TPST1: variants seen among roughly 807,000 people sequenced by gnomAD.
TPST1 encodes the protein protein-tyrosine sulfotransferase 1.
In TPST1, 20 loss-of-function variants were observed where a neutral mutation model predicts 34.8. The ratio of observed to expected loss-of-function variants is 0.57; its 90% CI spans 0.40 to 0.84. The LOEUF (loss-of-function observed/expected upper bound fraction) is 0.84. Among genes scored for constraint, TPST1 ranks in the 40% least tolerant of loss-of-function variants. The probability of loss-of-function intolerance (pLI) is 0.00; values close to 1 mark genes in which losing one functional copy is unlikely to be tolerated. For synonymous variants in TPST1, 152 were observed against 159.4 expected (o/e 0.95, Z 0.35); for missense variants, 353 against 455.5 (o/e 0.78, Z 2.05).
intron 3 of TPST1, among the ~76,000 whole-genome samples, chr7:66,342,106 A>G (rs957586530): frequency 6.6e-6 from 1 of 152,224 alleles, no homozygotes; most frequent in South Asian, 2.1e-4. Context: ...AAATGACAAT[A>G]TAAGAGTAGA....
intron 3 of TPST1, among the ~76,000 whole-genome samples, chr7:66,310,843 CAG>C (rs1791516664): frequency 1.7e-5 from 2 of 116,852 alleles, no homozygotes; most frequent in South Asian, 4.9e-4. Context: ...ATTTATGAGA[CAG>C]GGTCTCGCTC....
At chr7:66,300,850 G>A (rs375093677) in intron 3 of TPST1, among the ~76,000 whole-genome samples, 1 of 152,044 alleles carries the variant, frequency 6.6e-6, no homozygotes, top group Non-Finnish European at 1.5e-5. Flanking sequence ...AGAGGCTGAG[G>A]CAAGAGAATC....
Position 66,216,605 on chromosome 7 carries a change from G to T in TPST1, c.-102+11083G>T, listed in dbSNP as rs935382607. Among the ~76,000 whole-genome samples, 3 of 152,182 alleles carry T rather than the reference G, an allele frequency of 2.0e-5. No homozygotes were observed. In the East Asian group the frequency reaches 5.8e-4, roughly 29 times the overall value. On this transcript the variant is annotated intron_variant, in intron 1 of 5. Coordinates refer to ENST00000304842, the MANE Select transcript of TPST1 (RefSeq NM_003596.4). ...CTGCCTCGGCCTCCCGAGTAGCTGG[G>T]ATTACAGGTGCCTGCCACCACGCCC... is the stretch of plus-strand genomic sequence containing the variant.
intron 4 of TPST1, among the ~76,000 whole-genome samples, chr7:66,355,039 G>A (rs537568592): frequency 2.6e-5 from 4 of 152,192 alleles, no homozygotes; most frequent in African/African-American, 7.2e-5. Flanking sequence ...TAAGAGGACA[G>A]GATTTCTTAA....
At chr7:66,345,489 CAAAAAA>C (rs58837242) in intron 3 of TPST1, among the ~76,000 whole-genome samples, 4 of 64,862 alleles carry the variant, frequency 6.2e-5, no homozygotes, top group African/African-American at 2.0e-4. Flanking sequence ...ACTCCATCTC[CAAAAAA>C]AAAAAAAAAA....
intron 1 of TPST1, among the ~76,000 whole-genome samples, chr7:66,230,961 A>G (rs1789774015): frequency 6.6e-6 from 1 of 152,180 alleles, no homozygotes; most frequent in South Asian, 2.1e-4. Context: ...CAGAGCAGCT[A>G]GATACAGAGT....
At chr7:66,246,871 C>T (rs1360803605) in intron 2 of TPST1, among the ~76,000 whole-genome samples, 1 of 152,180 alleles carries the variant, frequency 6.6e-6, no homozygotes, top group Non-Finnish European at 1.5e-5. Flanking sequence ...TTAGAAGCTT[C>T]CAGGTAGTAC....
chr7:66,266,186 C>T (rs1229825129), intron 2 of TPST1, among the ~76,000 whole-genome samples: 1 of 152,024 alleles, frequency 6.6e-6, no homozygotes, highest in Non-Finnish European at 1.5e-5. Context: ...CTCTCCTCTT[C>T]ACTTTCAGGA....
rs1227078036 is a variant in TPST1 at position 66,295,974 on chromosome 7, G to A, written c.1044+9265G>A. 1.3e-5 allele frequency among the ~76,000 whole-genome samples: 2 copies of A among 152,098 alleles called. 1 individual carries two copies. The highest frequency in any genetic ancestry group is 4.1e-4 in the South Asian group (2 of 4,824). On this transcript the variant is annotated intron_variant, in intron 3 of 5. Coordinates refer to ENST00000304842, the MANE Select transcript of TPST1 (RefSeq NM_003596.4). The stretch of plus-strand genomic sequence containing the variant: ...AAGTTTTGTGAGCTCTTTGTAATTG[G>A]TAATTCATAGCTATCTCCTTTGCAC...
intron 1 of TPST1, among the ~76,000 whole-genome samples, chr7:66,214,825 A>AAT (rs901537174): frequency 1.3e-5 from 2 of 149,042 alleles, no homozygotes; most frequent in African/African-American, 4.9e-5. Context: ...CACCAACAAA[A>AAT]ATATATATAT....
chr7:66,215,505 G>T (rs1024046370), intron 1 of TPST1, among the ~76,000 whole-genome samples: 3 of 151,140 alleles, frequency 2.0e-5, no homozygotes, highest in African/African-American at 7.3e-5. Context: ...CTCCTGAGTA[G>T]CTGGGACTAC....
intron 3 of TPST1, among the ~76,000 whole-genome samples, chr7:66,305,181 G>T (rs930691125): frequency 6.6e-6 from 1 of 152,030 alleles, no homozygotes; most frequent in African/African-American, 2.4e-5. Flanking sequence ...AAAAGAATTC[G>T]TTAATATATT....
Position 66,224,931 on chromosome 7 carries a change from T to G in TPST1, c.-101-15394T>G, listed in dbSNP as rs539672153. ...TTTTTTTTTTTTTTTTTTTTTTTTT[T>G]TGTGAGATGGAGTTTCACTCTTGTT... is the stretch of plus-strand genomic sequence containing the variant. On this transcript the variant is annotated intron_variant, in intron 1 of 5. Transcript: ENST00000304842. Among the ~76,000 whole-genome samples the G allele has an allele frequency of 4.1e-4, 51 of 124,358 alleles. 1 individual carries two copies. The East Asian group carries it at 0.012, about 29-fold the overall frequency. 81.6% of individuals were successfully genotyped at this position (124,358 alleles called of 152,430 possible).
intron 3 of TPST1, among the ~76,000 whole-genome samples, chr7:66,306,442 C>T (rs1791424986): frequency 6.6e-6 from 1 of 152,186 alleles, no homozygotes; most frequent in Non-Finnish European, 1.5e-5. Context: ...TGTTTCTGCT[C>T]CAGGAGTTTG....
intron 5 of TPST1, among the ~76,000 whole-genome samples, chr7:66,358,457 G>A (rs558974655): frequency 9.9e-5 from 15 of 151,398 alleles, no homozygotes; most frequent in African/African-American, 3.4e-4. Context: ...TAACAGATAC[G>A]CTAAATTATA....
intron 3 of TPST1, among the ~76,000 whole-genome samples, chr7:66,330,711 A>G (rs996336443): frequency 2.6e-5 from 4 of 152,044 alleles, no homozygotes; most frequent in African/African-American, 9.7e-5. Context: ...ATTCCTGGCA[A>G]TTTAGGCTTT....
chr7:66,324,045 G>C (rs894409519), intron 3 of TPST1, among the ~76,000 whole-genome samples: 4 of 152,162 alleles, frequency 2.6e-5, no homozygotes, highest in African/African-American at 9.7e-5. Flanking sequence ...TGGATCAATA[G>C]ATCACAAAGG....
chr7:66,244,107 C>A (rs1040184221), intron 2 of TPST1, among the ~76,000 whole-genome samples: 1 of 151,850 alleles, frequency 6.6e-6, no homozygotes, highest in African/African-American at 2.4e-5. Flanking sequence ...CCCCACCACG[C>A]CCAGCTAATT....
chr7:66,256,897 A>G (rs1357505302), intron 2 of TPST1, among the ~76,000 whole-genome samples: 4 of 152,194 alleles, frequency 2.6e-5, no homozygotes, highest in Admixed American at 6.5e-5. Context: ...CTCAAAGTCC[A>G]GAATCTTGTC....
Sources: allele counts gnomAD v4.1 joint callset (sites outside exome capture counted in the v4.1 genomes callset), GRCh38; gene constraint gnomAD v4.1.1; transcripts MANE v1.5; gene names NCBI Gene and HGNC (gene_info 2026-07-23, HGNC 2026-07-21).